XRN1: variants seen among roughly 807,000 people sequenced by gnomAD.
XRN1 encodes 5'-3' exoribonuclease 1.
In XRN1, 67 loss-of-function variants were observed where a neutral mutation model predicts 222.3. That is an observed-to-expected ratio of 0.30 (90% CI 0.25 to 0.37). The LOEUF is 0.37. Ranked by LOEUF, XRN1 falls within the 10% of genes least tolerant of loss-of-function variation. The pLI is 1.00. For synonymous variants in XRN1, 643 were observed against 652.4 expected (o/e 0.99, Z 0.22); for missense variants, 1,707 against 2,000.2 (o/e 0.85, Z 2.80).
intron 24 of XRN1, 57 bp from the exon 25 acceptor site, chr3:142,376,001 CGAGT>C (rs2067133822): frequency 8.7e-6 from 13 of 1,488,610 alleles, no homozygotes; most frequent in Non-Finnish European, 1.2e-5. Context: ...CACACACACA[CGAGT>C]TTTAAAATGT....
Position 142,447,807 on chromosome 3 carries a change from G to C in XRN1, c.75+63C>G, listed in dbSNP as rs559340610. 28 of 1,583,870 alleles carry C rather than the reference G, an allele frequency of 1.8e-5. No homozygotes were observed. Among genetic ancestry groups the C allele is most frequent in the Non-Finnish European group, 2.4e-5 (28 of 1,156,802 alleles). On this transcript the variant is annotated intron_variant, in intron 1 of 40. Coordinates refer to ENST00000392981, the MANE Select transcript of XRN1 (RefSeq NM_001282857.2). The surrounding 1 kb of genome is among the most constrained non-coding windows in gnomAD (Gnocchi z 4.2). ...GTGGCTCGAAAGCCCCAGCTCTAAGGTGGAGAGGGCCGCGGAGCCCCGGGT... is the reference window on the plus strand; with the variant it reads ...GTGGCTCGAAAGCCCCAGCTCTAAGCTGGAGAGGGCCGCGGAGCCCCGGGT...
chr3:142,412,640 T>A lies in XRN1; in HGVS notation c.1617A>T (p.Ser539=), dbSNP rs748866875. Residue 539 remains serine, a synonymous_variant, in exon 15 of 41, where the codon TCA becomes TCT. Coordinates refer to ENST00000392981, the MANE Select transcript of XRN1 (RefSeq NM_001282857.2). ...CAGGTGGGTAATATTCTATAATTGG[T>A]GAGTCTTCATTGGTCATCAAATGCT... ...CYQHLMTNED[S]PIIEYYPPDF... is the part of the protein sequence containing the mutation. 2.5e-6 allele frequency: 4 copies of A among 1,600,966 alleles called. No homozygotes were observed. The African/African-American group carries it at 5.3e-5, about 21-fold the overall frequency.
At chr3:142,374,358 C>T (rs1444351810) in intron 25 of XRN1, among the ~76,000 whole-genome samples, 2 of 152,068 alleles carry the variant, frequency 1.3e-5, no homozygotes, top group Non-Finnish European at 2.9e-5. Context: ...TGGAACTGAG[C>T]AATCACCTGA....
At chr3:142,312,901 TCTTC>T (rs2065115383) in intron 39 of XRN1, 143 bp from the exon 40 acceptor site, 6 of 941,690 alleles carry the variant, frequency 6.4e-6, no homozygotes, top group Non-Finnish European at 4.7e-6. Flanking sequence ...CTATAATTAC[TCTTC>T]CTTACAACAT....
chr3:142,333,067 A>G lies in XRN1; in HGVS notation c.3962T>C (p.Phe1321Ser). The G allele has an allele frequency of 6.2e-7, 1 of 1,612,890 alleles. No homozygotes were observed. Residue 1321 changes from phenylalanine (F) to serine (S), a missense_variant, in exon 35 of 41, where the codon TTT becomes TCT. Phe to Ser is a radical substitution (Grantham distance 155). Coordinates refer to ENST00000392981, the MANE Select transcript of XRN1 (RefSeq NM_001282857.2). Reference sequence around the variant, plus strand: ...TTTGGAGATATTCAAAGATGCTAAAAAGTTCTCAATTCCAGAGTTAGGCTA... The same window carrying G: ...TTTGGAGATATTCAAAGATGCTAAAGAGTTCTCAATTCCAGAGTTAGGCTA... Reference protein sequence around the residue: ...NKQPNSGIENFLASLNISKEN... With the variant: ...NKQPNSGIENSLASLNISKEN...
chr3:142,429,516 A>G (rs2069427083), intron 2 of XRN1, among the ~76,000 whole-genome samples: 1 of 152,182 alleles, frequency 6.6e-6, no homozygotes, highest in East Asian at 1.9e-4. Context: ...CAGATTTAGA[A>G]ATAAGTAAAA....
At chr3:142,358,388 G>T in intron 30 of XRN1, among the ~76,000 whole-genome samples, 1 of 151,776 alleles carries the variant, frequency 6.6e-6, no homozygotes, top group East Asian at 1.9e-4. Flanking sequence ...TTTTCTCTTT[G>T]AGAGTATAAT....
At chr3:142,369,874 C>T (rs1230276432) in intron 27 of XRN1, among the ~76,000 whole-genome samples, 2 of 151,364 alleles carry the variant, frequency 1.3e-5, no homozygotes, top group East Asian at 3.9e-4. Context: ...GGCGAAATGC[C>T]GTCTCTACTA....
chr3:142,411,462 G>T (rs1374735030), intron 15 of XRN1, among the ~76,000 whole-genome samples: 1 of 151,774 alleles, frequency 6.6e-6, no homozygotes, highest in African/African-American at 2.4e-5. Context: ...TTAGCGTCTA[G>T]AACCTTAAAT....
intron 2 of XRN1, among the ~76,000 whole-genome samples, chr3:142,431,949 ATATAT>A (rs1363566159): frequency 6.3e-5 from 6 of 95,048 alleles, no homozygotes; most frequent in Admixed American, 1.6e-4. Flanking sequence ...ATATTATATA[ATATAT>A]TATATATAAT....
Position 142,414,230 on chromosome 3 carries a change from T to C in XRN1, c.1498A>G (p.Ile500Val). 4 of 1,613,886 alleles carry C rather than the reference T, an allele frequency of 2.5e-6. No homozygotes were observed. The highest frequency in any genetic ancestry group is 3.4e-6 in the Non-Finnish European group (4 of 1,179,914). ...SDIHNISTLK[I>V]HFELGKPFKP... ...AAAGGTTTTCCTAGTTCAAAATGGA[T>C]TTTGAGTGTACTGATGTTGTGTATA... The change falls in exon 14 of 41, where the codon ATC becomes GTC. Residue 500 changes from isoleucine to valine, a missense_variant. Coordinates refer to ENST00000392981, the MANE Select transcript of XRN1 (RefSeq NM_001282857.2).
chr3:142,363,723 G>A (rs879916087), intron 29 of XRN1, among the ~76,000 whole-genome samples: 30 of 151,942 alleles, frequency 2.0e-4, no homozygotes, highest in Non-Finnish European at 1.3e-4. Context: ...AATCAGGTAG[G>A]GTAAATTCTC....
At chr3:142,418,754 A>G in intron 11 of XRN1, 61 bp downstream of exon 11, 1 of 1,561,562 alleles carries the variant, frequency 6.4e-7, no homozygotes, top group East Asian at 2.2e-5. Flanking sequence ...ATAATAAATA[A>G]AAGGTATAAC....
intron 16 of XRN1, 88 bp from the exon 17 acceptor site, chr3:142,404,077 A>C (rs2068248373): frequency 8.7e-7 from 1 of 1,142,882 alleles, no homozygotes; most frequent in Non-Finnish European, 1.2e-6. Flanking sequence ...ATTTCGTAAG[A>C]GTCATCCTTG....
chr3:142,325,958 A>G (rs2065502811), intron 37 of XRN1, among the ~76,000 whole-genome samples: 1 of 152,012 alleles, frequency 6.6e-6, no homozygotes, highest in African/African-American at 2.4e-5. Flanking sequence ...TCATCTTTAT[A>G]AAAAATAAGT....
At position 142,447,754 on chromosome 3, in the gene XRN1, T is replaced by C; in HGVS notation, c.75+116A>G. ...CTTCCGTCCCCCTCCCTAATGCCACTAATCGTCCAGACGACGAGGGGAAAG... is the reference window on the plus strand; with the variant it reads ...CTTCCGTCCCCCTCCCTAATGCCACCAATCGTCCAGACGACGAGGGGAAAG... On this transcript the variant is annotated intron_variant, in intron 1 of 40. Transcript: ENST00000392981. The surrounding 1 kb of genome is among the most constrained non-coding windows in gnomAD (Gnocchi z 4.2). 8.1e-7 allele frequency: 1 copy of C among 1,228,896 alleles called. No individual in the cohort carries two copies. The allele number at this position is 1,228,896 out of a possible 1,614,324, so 76.1% of individuals were successfully genotyped here.
chr3:142,425,490 T>C lies in XRN1; in HGVS notation c.455A>G (p.Asn152Ser), dbSNP rs2069208299. The change falls in exon 4 of 41, where the codon AAT becomes AGT. Residue 152 changes from asparagine to serine, a missense_variant. Physicochemically the swap from Asn to Ser is conservative, Grantham distance 46 (BLOSUM62 1). Around this residue, in one of 2 missense-constraint regions of XRN1, gnomAD observed 1,234 missense variants for 1,518.2 expected, o/e 0.81. Transcript: ENST00000392981. ...RLHEHLKYFV[N>S]MKISTDKSWQ... ...TGACTTGTCTGTGGAAATTTTCATA[T>C]TTACAAAATACTTCAGATGTTCATG... 6.2e-7 allele frequency: 1 copy of C among 1,613,584 alleles called. No individual in the cohort carries two copies. The highest frequency in any genetic ancestry group is 8.5e-7 in the Non-Finnish European group (1 of 1,179,702).
At chr3:142,406,686 C>A (rs111392110) in intron 15 of XRN1, among the ~76,000 whole-genome samples, 7 of 151,844 alleles carry the variant, frequency 4.6e-5, no homozygotes, top group African/African-American at 1.7e-4. Context: ...ACCACAACAT[C>A]CAGTTCATTT....
At chr3:142,339,379 T>C (rs1188958967) in intron 33 of XRN1, among the ~76,000 whole-genome samples, 1 of 151,982 alleles carries the variant, frequency 6.6e-6, no homozygotes, top group Non-Finnish European at 1.5e-5. Context: ...GGTCTAGGTG[T>C]GCTCCTTAAT....
Sources: allele counts gnomAD v4.1 joint callset (sites outside exome capture counted in the v4.1 genomes callset), GRCh38; gene constraint gnomAD v4.1.1; regional missense constraint gnomAD v4.1.1; non-coding constraint Gnocchi (gnomAD v3.1); transcripts MANE v1.5; gene names NCBI Gene and HGNC (gene_info 2026-07-23, HGNC 2026-07-21).